CDC14B: variants seen among roughly 807,000 people sequenced by gnomAD.
CDC14B encodes the protein dual specificity protein phosphatase CDC14B.
Under a neutral mutation model 64.2 loss-of-function variants are expected in CDC14B, and 22 were observed. The observed-to-expected ratio is 0.34, with a 90% CI of 0.24 to 0.49. The LOEUF is 0.49. CDC14B is among the 20% of genes least tolerant of loss of function. The pLI, the probability that CDC14B is intolerant of heterozygous loss-of-function variation, is 0.99. For synonymous variants in CDC14B, 191 were observed against 215.8 expected (o/e 0.89, Z 1.01); for missense variants, 498 against 629.9 (o/e 0.79, Z 2.24).
At chr9:96,559,824 C>T (rs1483150828) in intron 4 of CDC14B, among the ~76,000 whole-genome samples, 1 of 152,146 alleles carries the variant, frequency 6.6e-6, no homozygotes, top group Non-Finnish European at 1.5e-5. Flanking sequence ...CAGTACTAAC[C>T]TGAAGGTGTG....
chr9:96,590,848 G>A (rs12350257), intron 1 of CDC14B, among the ~76,000 whole-genome samples: 9,521 of 152,106 alleles, frequency 0.063, 949 homozygotes, highest in African/African-American at 0.22. Context: ...ACATACAGGT[G>A]CATGCCACAG....
intron 5 of CDC14B, among the ~76,000 whole-genome samples, chr9:96,545,503 A>G (rs1209756253): frequency 1.3e-5 from 2 of 151,970 alleles, no homozygotes; most frequent in Non-Finnish European, 2.9e-5. Context: ...TATTTTCAGT[A>G]GAGATGGAGT....
chr9:96,573,922 C>T (rs559410151), intron 1 of CDC14B, among the ~76,000 whole-genome samples: 4 of 152,112 alleles, frequency 2.6e-5, no homozygotes, highest in East Asian at 1.9e-4. Flanking sequence ...CCGAGGTGGG[C>T]GGATCACGAG....
chr9:96,570,167 T>C (rs1013316266), intron 1 of CDC14B, among the ~76,000 whole-genome samples: 1 of 152,238 alleles, frequency 6.6e-6, no homozygotes, highest in Non-Finnish European at 1.5e-5. Flanking sequence ...GATTTGACTT[T>C]TGGGCCTCCA....
chr9:96,503,836 T>A, intron 13 of CDC14B, 47 bp from the exon 14 acceptor site: 1 of 1,482,428 alleles, frequency 6.7e-7, no homozygotes, highest in Non-Finnish European at 9.4e-7. Context: ...TTACACAGCG[T>A]CCACAGGCAG....
At chr9:96,565,294 T>G in intron 2 of CDC14B, 99 bp downstream of exon 2, 2 of 692,524 alleles carry the variant, frequency 2.9e-6, no homozygotes, top group South Asian at 3.8e-5. Flanking sequence ...TAATTAGCAA[T>G]CAATAGATTT....
At chr9:96,497,599 C>T (rs764616866), downstream of CDC14B, among the ~76,000 whole-genome samples, 4 of 152,228 alleles carry the variant, frequency 2.6e-5, no homozygotes, top group Non-Finnish European at 5.9e-5. Context: ...AGCTCACCAG[C>T]GTCACAACAG....
chr9:96,614,410 T>G (rs1428127578), intron 1 of CDC14B, among the ~76,000 whole-genome samples: 1 of 152,134 alleles, frequency 6.6e-6, no homozygotes, highest in Non-Finnish European at 1.5e-5. Flanking sequence ...CTTGAACTCC[T>G]GGGCTCAAGC....
chr9:96,517,215 GC>G (rs1431509273), intron 12 of CDC14B, among the ~76,000 whole-genome samples: 2 of 150,972 alleles, frequency 1.3e-5, no homozygotes, highest in Non-Finnish European at 1.5e-5. Context: ...GGTGGCATAT[GC>G]CTGTAATCCC....
At chr9:96,497,845 T>C (rs1246612515), downstream of CDC14B, among the ~76,000 whole-genome samples, 1 of 152,158 alleles carries the variant, frequency 6.6e-6, no homozygotes, top group Non-Finnish European at 1.5e-5. Context: ...CTAAGTCACT[T>C]AGCCCAAATC....
At chr9:96,558,575 G>T (rs955796411) in intron 4 of CDC14B, among the ~76,000 whole-genome samples, 1 of 152,242 alleles carries the variant, frequency 6.6e-6, no homozygotes, top group African/African-American at 2.4e-5. Context: ...TTTCTCAAGA[G>T]TGCAAATATG....
chr9:96,595,492 T>C (rs1432618789), intron 1 of CDC14B, among the ~76,000 whole-genome samples: 2 of 152,200 alleles, frequency 1.3e-5, no homozygotes, highest in African/African-American at 4.8e-5. Flanking sequence ...CATCTACCTA[T>C]ACACACCCAC....
intron 5 of CDC14B, among the ~76,000 whole-genome samples, chr9:96,551,216 A>C (rs2079476629): frequency 2.0e-5 from 3 of 149,478 alleles, no homozygotes; most frequent in Admixed American, 1.4e-4. Flanking sequence ...TCCTAGGCTC[A>C]AACAATCCTC....
intron 9 of CDC14B, among the ~76,000 whole-genome samples, chr9:96,529,963 C>T (rs1382919886): frequency 6.6e-6 from 1 of 152,050 alleles, no homozygotes; most frequent in African/African-American, 2.4e-5. Flanking sequence ...CTGTATATCC[C>T]TTCGGGCAAT....
chr9:96,578,089 G>A (rs2118235736), intron 1 of CDC14B, among the ~76,000 whole-genome samples: 1 of 152,294 alleles, frequency 6.6e-6, no homozygotes. Flanking sequence ...AAAGGGGGTG[G>A]GAGAAGAGTG....
At chr9:96,563,423 C>T (rs1196658887) in intron 3 of CDC14B, among the ~76,000 whole-genome samples, 2 of 152,046 alleles carry the variant, frequency 1.3e-5, no homozygotes, top group South Asian at 2.1e-4. Context: ...GAGGCTGAGG[C>T]GGATGGATCA....
intron 1 of CDC14B, among the ~76,000 whole-genome samples, chr9:96,604,275 T>G (rs1355235090): frequency 6.6e-6 from 1 of 151,908 alleles, no homozygotes; most frequent in Non-Finnish European, 1.5e-5. Flanking sequence ...TCCAAGTCCT[T>G]AATTGCATAC....
At chr9:96,498,886 A>G (rs565238870), downstream of CDC14B, among the ~76,000 whole-genome samples, 2 of 152,224 alleles carry the variant, frequency 1.3e-5, no homozygotes, top group Non-Finnish European at 2.9e-5. Flanking sequence ...TCTAGATGAC[A>G]GGGAAGGAGA....
At chr9:96,594,993 T>C (rs1423039901) in intron 1 of CDC14B, among the ~76,000 whole-genome samples, 2 of 151,772 alleles carry the variant, frequency 1.3e-5, no homozygotes, top group East Asian at 3.9e-4. Flanking sequence ...TCTACTAAAA[T>C]ACAAAAATTA....
Sources: gnomAD v4.1 joint callset for allele counts (sites outside exome capture counted in the v4.1 genomes callset) on GRCh38, gnomAD v4.1.1 for gene constraint, MANE v1.5 for transcripts, NCBI Gene and HGNC (gene_info 2026-07-23, HGNC 2026-07-21) for gene names.